Variants in ARID1B observed in about 807,000 individuals in gnomAD.
The protein encoded by ARID1B is AT-rich interaction domain 1B.
ARID1B carries 30 observed loss-of-function variants against 212.3 expected under a neutral mutation model. The observed-to-expected ratio is 0.14, with a 90% CI of 0.11 to 0.19. ARID1B has a LOEUF of 0.19. ARID1B is among the 10% of genes least tolerant of loss of function. The pLI is 1.00. For missense variants in ARID1B, 2,891 were observed against 3,204.0 expected, an observed-to-expected ratio of 0.90 and a Z score of 2.36; for synonymous variants, 1,402 against 1,301.7, an observed-to-expected ratio of 1.08 and a Z score of -1.66.
intron 3 of ARID1B, 49 bp downstream of exon 3, chr6:156,901,574 A>G: frequency 6.4e-7 from 1 of 1,571,658 alleles, no homozygotes; most frequent in African/African-American, 1.4e-5. Context: ...CCACCAAGGC[A>G]GACCCGGCTC....
chr6:157,167,393 A>G (rs1791411913), intron 9 of ARID1B: 2 of 502,338 alleles, frequency 4.0e-6, no homozygotes, highest in Non-Finnish European at 6.6e-6. Context: ...TTTTTATTCA[A>G]TCTGTGTTTG....
At chr6:156,914,611 C>T (rs1790196916) in intron 3 of ARID1B, among the ~76,000 whole-genome samples, 2 of 152,176 alleles carry the variant, frequency 1.3e-5, no homozygotes, top group South Asian at 4.1e-4. Context: ...ACTTTCAAAG[C>T]TTTACGTATC....
intron 8 of ARID1B, among the ~76,000 whole-genome samples, chr6:157,162,968 A>T (rs1791043012): frequency 6.6e-6 from 1 of 152,198 alleles, no homozygotes. Context: ...GCCCCCTGGA[A>T]GCCAGAGCCC....
chr6:157,177,057 T>C (rs1792147274), intron 11 of ARID1B, among the ~76,000 whole-genome samples: 1 of 152,230 alleles, frequency 6.6e-6, no homozygotes, highest in Admixed American at 6.5e-5. Context: ...TGTAAGACAA[T>C]AGCAAACTGA....
intron 1 of ARID1B, among the ~76,000 whole-genome samples, chr6:156,793,373 G>T (rs1336306239): frequency 6.6e-6 from 1 of 152,078 alleles, no homozygotes; most frequent in African/African-American, 2.4e-5. Flanking sequence ...TTGAGACAGG[G>T]TCTTACTCTG....
rs570648668 is a variant in ARID1B, at chr6:156,833,014, A to C, written c.1986+3593A>C. On this transcript the variant is annotated intron_variant, in intron 2 of 19. Transcript: ENST00000636930. The stretch of plus-strand genomic sequence containing the variant: ...GATTAGTTTTGCACGGTGCCCTAAA[A>C]ACTAGTCTACTTGGGTTTTTGTTGA... Among the ~76,000 whole-genome samples the C allele has an allele frequency of 7.2e-5, 11 of 152,270 alleles. No individual in the cohort carries two copies. In the South Asian group the frequency reaches 1.9e-3, roughly 26 times the overall value.
chr6:156,788,357 G>A (rs964776561), intron 1 of ARID1B, among the ~76,000 whole-genome samples: 8 of 152,110 alleles, frequency 5.3e-5, no homozygotes, highest in African/African-American at 1.7e-4. Flanking sequence ...TGTATAAATT[G>A]GTTTTGGTTT....
At chr6:157,182,292 G>T (rs1268141669) in intron 12 of ARID1B, among the ~76,000 whole-genome samples, 1 of 152,144 alleles carries the variant, frequency 6.6e-6, no homozygotes, top group African/African-American at 2.4e-5. Flanking sequence ...TAATGCTGTA[G>T]CCCAGGGACA....
intron 18 of ARID1B, among the ~76,000 whole-genome samples, chr6:157,202,874 C>T (rs1250303820): frequency 6.6e-6 from 1 of 151,840 alleles, no homozygotes; most frequent in Non-Finnish European, 1.5e-5. Flanking sequence ...CACACACACA[C>T]ACGTGTATTG....
At position 157,165,237 on chromosome 6, in the gene ARID1B, T is replaced by TTC. The variant is rs546403990; in HGVS notation, c.3090-1803_3090-1802insTC. Among the ~76,000 whole-genome samples the TTC allele has an allele frequency of 9.3e-3, 1,416 of 152,190 alleles. 21 individuals carry two copies. Among genetic ancestry groups the TTC allele is most frequent in the African/African-American group, 0.032 (1,338 of 41,528 alleles). On this transcript the variant is annotated intron_variant, in intron 8 of 19. Coordinates refer to ENST00000636930, the MANE Select transcript of ARID1B (RefSeq NM_001374828.1). ...TCTGTTCTTAATGAACTCCAAGGGGTATTCTAATTCTGATTTAGCAGTCTG... is the reference window on the plus strand; with the variant it reads ...TCTGTTCTTAATGAACTCCAAGGGGTTCATTCTAATTCTGATTTAGCAGTCTG...
chr6:156,999,073 C>T (rs1778768549), intron 4 of ARID1B, among the ~76,000 whole-genome samples: 1 of 152,218 alleles, frequency 6.6e-6, no homozygotes, highest in Admixed American at 6.5e-5. Context: ...ACCTTCTGGG[C>T]CAGTGACTTT....
chr6:157,198,175 G>T (rs1480020914), intron 16 of ARID1B, among the ~76,000 whole-genome samples: 1 of 152,166 alleles, frequency 6.6e-6, no homozygotes, highest in Admixed American at 6.5e-5. Flanking sequence ...ATTTTAAGAT[G>T]TAATAGGTGT....
At chr6:157,127,555 A>G (rs937574540) in intron 6 of ARID1B, among the ~76,000 whole-genome samples, 6 of 151,808 alleles carry the variant, frequency 4.0e-5, no homozygotes, top group Non-Finnish European at 7.4e-5. Context: ...GCGGATCACA[A>G]GGTCAGGAGA....
intron 2 of ARID1B, among the ~76,000 whole-genome samples, chr6:156,861,888 A>G (rs1437895318): frequency 6.6e-6 from 1 of 152,210 alleles, no homozygotes; most frequent in Non-Finnish European, 1.5e-5. Flanking sequence ...TGAGATGTGC[A>G]GAAGCAGTGG....
chr6:156,977,105 A>G (rs1335697075), intron 4 of ARID1B: 2 of 286,484 alleles, frequency 7.0e-6, no homozygotes, highest in Non-Finnish European at 6.8e-6. Flanking sequence ...AAAAAAAAAA[A>G]AAAGATTTTT....
chr6:156,781,281 C>CT (rs368353818), intron 1 of ARID1B, among the ~76,000 whole-genome samples: 14 of 150,104 alleles, frequency 9.3e-5, no homozygotes, highest in South Asian at 2.1e-4. Flanking sequence ...GCCCCATAAT[C>CT]TTTTTTTTTT....
intron 2 of ARID1B, among the ~76,000 whole-genome samples, chr6:156,895,869 A>G (rs1788346347): frequency 6.6e-6 from 1 of 152,178 alleles, no homozygotes; most frequent in Non-Finnish European, 1.5e-5. Flanking sequence ...ATAATCCCCA[A>G]TTCTTTTCAA....
At chr6:157,195,620 C>T (rs1447094906) in intron 15 of ARID1B, 3 of 156,118 alleles carry the variant, frequency 1.9e-5, no homozygotes, top group Non-Finnish European at 2.8e-5. Context: ...TAGGTCCCAC[C>T]CACACTGAAG....
chr6:156,896,220 A>C (rs1050089747), intron 2 of ARID1B, among the ~76,000 whole-genome samples: 1 of 152,158 alleles, frequency 6.6e-6, no homozygotes, highest in African/African-American at 2.4e-5. Flanking sequence ...TTATATACTT[A>C]ACAAGGCGCA....
Sources: allele counts gnomAD v4.1 joint callset (sites outside exome capture counted in the v4.1 genomes callset), GRCh38; gene constraint gnomAD v4.1.1; transcripts MANE v1.5; gene names NCBI Gene and HGNC (gene_info 2026-07-23, HGNC 2026-07-21).